Variants in GCFC2 observed in about 807,000 individuals in gnomAD.
The protein encoded by GCFC2 is intron Large complex component GCFC2.
In GCFC2, 102 loss-of-function variants were observed where a neutral mutation model predicts 99.4. That is an observed-to-expected ratio of 1.03 (90% CI 0.87 to 1.21). The LOEUF (loss-of-function observed/expected upper bound fraction) is 1.21, where lower values mean the gene tolerates loss of function less well. Ranked by LOEUF, GCFC2 falls within the 50% of genes most tolerant of loss-of-function variation. The pLI is 0.00. For missense variants in GCFC2, 973 were observed against 920.9 expected (o/e 1.06, Z -0.73); for synonymous variants, 338 against 316.8 (o/e 1.07, Z -0.71).
At chr2:75,669,866 A>T in intron 15 of GCFC2, 1 of 186,784 alleles carries the variant, frequency 5.4e-6, no homozygotes, top group Non-Finnish European at 1.1e-5. Context: ...CTGGGATTAC[A>T]GGTGTTAGCC....
Position 75,702,293 on chromosome 2 carries a change from T to A in GCFC2, c.525A>T (p.Glu175Asp). 1 of 1,613,800 alleles carries A rather than the reference T, an allele frequency of 6.2e-7. No individual in the cohort carries two copies. The highest frequency in any genetic ancestry group is 8.5e-7 in the Non-Finnish European group (1 of 1,179,646). Residue 175 changes from glutamate to aspartate, a missense_variant, in exon 3 of 17, where the codon GAA (glutamate) becomes GAT (aspartate). Coordinates refer to ENST00000321027, the MANE Select transcript of GCFC2 (RefSeq NM_003203.5). The part of the protein sequence containing the change: ...SSISGMKRES[E>D]DDPESEPDDH... ...CATCAGGCTCACTCTCAGGGTCATC[T>A]TCGCTCTCTCTCTTCATACCAGAGA...
chr2:75,675,233 A>G (rs1472264657), intron 12 of GCFC2, among the ~76,000 whole-genome samples: 3 of 152,218 alleles, frequency 2.0e-5, no homozygotes, highest in Non-Finnish European at 4.4e-5. Context: ...ATAACATAAT[A>G]TCCTTGTCTT....
intron 12 of GCFC2, among the ~76,000 whole-genome samples, chr2:75,677,775 A>C (rs139363227): frequency 6.6e-6 from 1 of 152,104 alleles, no homozygotes; most frequent in African/African-American, 2.4e-5. Context: ...TCAGGAGATC[A>C]ATACCATCCT....
chr2:75,712,827 C>A (rs1185233060), upstream of GCFC2, among the ~76,000 whole-genome samples: 2 of 152,178 alleles, frequency 1.3e-5, no homozygotes, highest in East Asian at 3.8e-4. Flanking sequence ...CGAGGGTCCG[C>A]AGCTTCATTC....
chr2:75,690,510 C>G (rs1249292407), intron 8 of GCFC2, 128 bp downstream of exon 8: 1 of 640,072 alleles, frequency 1.6e-6, no homozygotes, highest in Non-Finnish European at 2.7e-6. Context: ...TTTTGCTTTT[C>G]TATTATTCTT....
In GCFC2 at chr2:75,710,742, C is replaced by T. The variant is rs1681126319; in HGVS notation, c.114G>A (p.Pro38=). 1 of 1,562,386 alleles carries T rather than the reference C, an allele frequency of 6.4e-7. No homozygotes were observed. Among genetic ancestry groups the T allele is most frequent in the Non-Finnish European group, 8.6e-7 (1 of 1,158,382 alleles). The change falls in exon 1 of 17, where the codon CCG becomes CCA. Residue 38 remains proline (P), a synonymous_variant. Transcript: ENST00000321027. ...EPGAPRELPV[P]GSAEEEPPSG... is the part of the protein sequence containing the mutation. ...AGGGCGGCTCTTCCTCCGCAGAACC[C>T]GGGACCGGAAGTTCCCTCGGCGCCC...
Position 75,687,911 on chromosome 2 carries a change from C to CAT in GCFC2, c.1605_1606insAT (p.Val536MetfsTer32). On this transcript the variant is annotated frameshift_variant, in exon 11 of 17. Coordinates refer to ENST00000321027, the MANE Select transcript of GCFC2 (RefSeq NM_003203.5). LOFTEE classifies it high-confidence loss of function. ...CTACTTTCCTTCTTTGAATCTTCCACACTGCTATCCATAAATTCTTCTACA... is the reference window on the plus strand; with the variant it reads ...CTACTTTCCTTCTTTGAATCTTCCACATACTGCTATCCATAAATTCTTCTACA... 1 of 1,596,046 alleles carries CAT rather than the reference C, an allele frequency of 6.3e-7. No individual in the cohort carries two copies. The highest frequency in any genetic ancestry group is 8.6e-7 in the Non-Finnish European group (1 of 1,165,370).
intron 2 of GCFC2, among the ~76,000 whole-genome samples, chr2:75,705,461 A>T (rs1445261343): frequency 6.6e-6 from 1 of 151,626 alleles, no homozygotes; most frequent in African/African-American, 2.4e-5. Context: ...ATCTCTACTA[A>T]AAATACAAAA....
At chr2:75,681,295 T>C (rs983214173) in intron 11 of GCFC2, among the ~76,000 whole-genome samples, 3 of 152,122 alleles carry the variant, frequency 2.0e-5, no homozygotes, top group Non-Finnish European at 2.9e-5. Context: ...TGAAGCAAGG[T>C]TGGGTGTTGC....
intron 3 of GCFC2, 120 bp from the exon 4 acceptor site, chr2:75,701,407 A>G: frequency 1.6e-6 from 1 of 623,340 alleles, no homozygotes; most frequent in Non-Finnish European, 2.8e-6. Flanking sequence ...TTTATTCTTC[A>G]TAATAATTCT....
At chr2:75,675,741 C>CAAA (rs1206357027) in intron 12 of GCFC2, among the ~76,000 whole-genome samples, 4,285 of 70,104 alleles carry the variant, frequency 0.061, 360 homozygotes, top group African/African-American at 0.15. Context: ...AAGGTTCTGT[C>CAAA]AAAAAAAAAA....
In GCFC2 at chr2:75,701,459, A is replaced by G; in HGVS notation, c.620-172T>C. The G allele has an allele frequency of 8.5e-6, 5 of 591,234 alleles. 1 individual carries two copies. The South Asian group carries it at 1.0e-4, about 12-fold the overall frequency. 36.6% of individuals were successfully genotyped at this position (591,234 alleles called of 1,614,324 possible). On this transcript the variant is annotated intron_variant, in intron 3 of 16. Transcript: ENST00000321027. The stretch of plus-strand genomic sequence containing the variant: ...TACTGCCCTCATTTCACAAATGAGG[A>G]AATGCAAATATTGGGAGGTTAAGTA...
intron 11 of GCFC2, among the ~76,000 whole-genome samples, chr2:75,685,766 T>C (rs192388600): frequency 1.0e-5 from 1 of 97,536 alleles, no homozygotes; most frequent in East Asian, 2.3e-4. Context: ...TTAAGACTCA[T>C]GTATTCAACA....
rs75928866 is a variant in GCFC2 at position 75,675,875 on chromosome 2, G to C, written c.1813-2355C>G. On this transcript the variant is annotated intron_variant, in intron 12 of 16. Transcript: ENST00000321027. Reference sequence around the variant, plus strand: ...GATGGAAAATAAGGTTCTCCAAACAGTTTTAACAAGCATTCTGAATCACAC... The same window carrying C: ...GATGGAAAATAAGGTTCTCCAAACACTTTTAACAAGCATTCTGAATCACAC... Among the ~76,000 whole-genome samples the C allele has an allele frequency of 1.6e-3, 249 of 152,160 alleles. 1 individual carries two copies. Among genetic ancestry groups the C allele is most frequent in the African/African-American group, 5.7e-3 (237 of 41,510 alleles).
chr2:75,696,735 TG>T (rs1406532782), intron 4 of GCFC2, among the ~76,000 whole-genome samples: 1 of 152,144 alleles, frequency 6.6e-6, no homozygotes, highest in East Asian at 1.9e-4. Context: ...GAAAAGTAAA[TG>T]GAAGTGTGCT....
intron 11 of GCFC2, among the ~76,000 whole-genome samples, chr2:75,686,246 T>G (rs527267856): frequency 1.3e-5 from 2 of 152,254 alleles, no homozygotes; most frequent in Admixed American, 1.3e-4. Flanking sequence ...CTTGAAAGTT[T>G]TTATTTTTTA....
intron 6 of GCFC2, among the ~76,000 whole-genome samples, chr2:75,692,773 T>C (rs1308082310): frequency 1.3e-5 from 2 of 152,128 alleles, no homozygotes; most frequent in Admixed American, 1.3e-4. Flanking sequence ...TTTTCCAGGC[T>C]GAGGGTGTGG....
At chr2:75,703,321 T>A (rs1242575087) in intron 2 of GCFC2, among the ~76,000 whole-genome samples, 1 of 152,174 alleles carries the variant, frequency 6.6e-6, no homozygotes, top group African/African-American at 2.4e-5. Context: ...TTCTAAACTT[T>A]CCCACAAGTT....
rs1680585960 is a variant in GCFC2 at position 75,701,391 on chromosome 2, G to GT, written c.620-105dup. 7 of 649,942 alleles carry GT rather than the reference G, an allele frequency of 1.1e-5. No homozygotes were observed. In the South Asian group the frequency reaches 1.3e-4, roughly 12 times the overall value. 40.3% of individuals were successfully genotyped at this position (649,942 alleles called of 1,614,324 possible). A position where few individuals can be genotyped will look rare whatever the true frequency, so the allele number is the denominator to read the frequency against. The stretch of plus-strand genomic sequence containing the variant: ...ATACAAAGGCTTAGCACCACTTGAC[G>GT]TGTTATTTATTCTTCATAATAATTC... On this transcript the variant is annotated intron_variant, in intron 3 of 16. Coordinates refer to ENST00000321027, the MANE Select transcript of GCFC2 (RefSeq NM_003203.5).
Sources: allele counts gnomAD v4.1 joint callset (sites outside exome capture counted in the v4.1 genomes callset), GRCh38; gene constraint gnomAD v4.1.1; transcripts MANE v1.5; gene names NCBI Gene and HGNC (gene_info 2026-07-23, HGNC 2026-07-21).